MSRB3: variants seen among roughly 807,000 people sequenced by gnomAD.
MSRB3 encodes the protein methionine-R-sulfoxide reductase B3.
In MSRB3, 13 loss-of-function variants were observed where a neutral mutation model predicts 21.0. The observed-to-expected ratio is 0.62, with a 90% CI of 0.40 to 0.98. The LOEUF is 0.98. MSRB3 is among the 50% of genes least tolerant of loss of function. The pLI is 0.00. For synonymous variants in MSRB3, 87 were observed against 88.6 expected, an observed-to-expected ratio of 0.98 and a Z score of 0.10; for missense variants, 199 against 230.3, an observed-to-expected ratio of 0.86 and a Z score of 0.88.
At chr12:65,457,468 G>A (rs970340444) in intron 6 of MSRB3, among the ~76,000 whole-genome samples, 2 of 152,106 alleles carry the variant, frequency 1.3e-5, no homozygotes, top group African/African-American at 4.8e-5. Flanking sequence ...AGAACATGTG[G>A]TGTTTGGTTT....
At chr12:65,355,580 T>A (rs1176927952) in intron 4 of MSRB3, among the ~76,000 whole-genome samples, 1 of 151,946 alleles carries the variant, frequency 6.6e-6, no homozygotes, top group Non-Finnish European at 1.5e-5. Context: ...GTTGCAATTT[T>A]TTTTATTCTA....
intron 2 of MSRB3, among the ~76,000 whole-genome samples, chr12:65,311,583 A>G (rs1263104279): frequency 1.3e-5 from 2 of 152,108 alleles, no homozygotes; most frequent in African/African-American, 4.8e-5. Flanking sequence ...TGGGAATTCT[A>G]GTCCCTATTA....
chr12:65,297,177 CA>C (rs1325326415), intron 1 of MSRB3, among the ~76,000 whole-genome samples: 11 of 151,964 alleles, frequency 7.2e-5, no homozygotes, highest in Admixed American at 2.6e-4. Context: ...AATGAGAACA[CA>C]TGGACACAGG....
chr12:65,431,444 C>T (rs527729525), intron 5 of MSRB3, among the ~76,000 whole-genome samples: 1 of 151,930 alleles, frequency 6.6e-6, no homozygotes, highest in African/African-American at 2.4e-5. Flanking sequence ...TACATCCCAG[C>T]GATTTAATGT....
intron 4 of MSRB3, among the ~76,000 whole-genome samples, chr12:65,367,578 G>C (rs1878082595): frequency 1.3e-5 from 2 of 152,226 alleles, no homozygotes; most frequent in Admixed American, 1.3e-4. Context: ...GGCTATAGTT[G>C]AGTGGGGGAG....
intron 6 of MSRB3, among the ~76,000 whole-genome samples, chr12:65,458,368 C>T (rs1173891286): frequency 6.6e-6 from 1 of 152,198 alleles, no homozygotes; most frequent in Admixed American, 6.5e-5. Flanking sequence ...CACCGCTTTA[C>T]AGTACATTGT....
chr12:65,376,276 C>T (rs1024037779), intron 5 of MSRB3, among the ~76,000 whole-genome samples: 1 of 151,980 alleles, frequency 6.6e-6, no homozygotes, highest in Non-Finnish European at 1.5e-5. Context: ...CCCACCACTG[C>T]GCCCGGCTAA....
intron 4 of MSRB3, among the ~76,000 whole-genome samples, chr12:65,332,525 T>C (rs1017318676): frequency 6.6e-6 from 1 of 152,068 alleles, no homozygotes; most frequent in African/African-American, 2.4e-5. Context: ...TTAGGAGATA[T>C]ATTTAATGTA....
intron 3 of MSRB3, among the ~76,000 whole-genome samples, chr12:65,327,844 C>T (rs892647145): frequency 5.9e-5 from 9 of 152,192 alleles, no homozygotes; most frequent in African/African-American, 2.2e-4. Flanking sequence ...ACTTCAGTCT[C>T]AGCTTGCGAG....
chr12:65,418,186 C>T (rs1426114874), intron 5 of MSRB3, among the ~76,000 whole-genome samples: 1 of 152,186 alleles, frequency 6.6e-6, no homozygotes, highest in Non-Finnish European at 1.5e-5. Context: ...CTCACTGCAG[C>T]CTCTGCCTCC....
intron 2 of MSRB3, among the ~76,000 whole-genome samples, chr12:65,325,821 C>T (rs1874989049): frequency 6.6e-6 from 1 of 152,198 alleles, no homozygotes; most frequent in Non-Finnish European, 1.5e-5. Flanking sequence ...AGCAATTTTA[C>T]TGCAGTGAGT....
intron 2 of MSRB3, among the ~76,000 whole-genome samples, chr12:65,322,660 C>CAAAAAA (rs34770864): frequency 1.4e-4 from 12 of 87,544 alleles, no homozygotes; most frequent in Non-Finnish European, 2.0e-4. Flanking sequence ...GACTCCATCT[C>CAAAAAA]AAAAAAAAAA....
intron 4 of MSRB3, among the ~76,000 whole-genome samples, chr12:65,338,938 G>C (rs1875959022): frequency 6.6e-6 from 1 of 152,106 alleles, no homozygotes. Context: ...TTAGCCAGGT[G>C]TGGCGGCATG....
chr12:65,383,487 T>C (rs1431838857), intron 5 of MSRB3, among the ~76,000 whole-genome samples: 1 of 152,126 alleles, frequency 6.6e-6, no homozygotes, highest in Non-Finnish European at 1.5e-5. Context: ...TAATCACAGA[T>C]CCCAGTGTCA....
At chr12:65,322,521 G>C (rs1361158893) in intron 2 of MSRB3, among the ~76,000 whole-genome samples, 2 of 151,812 alleles carry the variant, frequency 1.3e-5, no homozygotes, top group Non-Finnish European at 2.9e-5. Context: ...CGGGTGTGGT[G>C]GTGGGCGTCT....
chr12:65,338,948 G>T (rs1875959882), intron 4 of MSRB3, among the ~76,000 whole-genome samples: 1 of 152,092 alleles, frequency 6.6e-6, no homozygotes, highest in Non-Finnish European at 1.5e-5. Context: ...GTGGCGGCAT[G>T]CACCAGTAGT....
chr12:65,426,732 T>C (rs1458776327), intron 5 of MSRB3, among the ~76,000 whole-genome samples: 1 of 152,148 alleles, frequency 6.6e-6, no homozygotes, highest in Non-Finnish European at 1.5e-5. Flanking sequence ...TTTATTCCTT[T>C]TCATTCTTTT....
intron 5 of MSRB3, among the ~76,000 whole-genome samples, chr12:65,431,371 A>G (rs954233600): frequency 1.3e-5 from 2 of 152,010 alleles, no homozygotes; most frequent in East Asian, 1.9e-4. Flanking sequence ...CTTGCTGCCT[A>G]TACAGTTTCC....
intron 5 of MSRB3, among the ~76,000 whole-genome samples, chr12:65,381,999 T>C (rs1314594957): frequency 6.6e-6 from 1 of 152,120 alleles, no homozygotes; most frequent in African/African-American, 2.4e-5. Context: ...ATAATGTTTA[T>C]TGAATAAGTC....
Sources: allele counts gnomAD v4.1 joint callset (sites outside exome capture counted in the v4.1 genomes callset), GRCh38; gene constraint gnomAD v4.1.1; transcripts MANE v1.5; gene names NCBI Gene and HGNC (gene_info 2026-07-23, HGNC 2026-07-21).